The following RCOR1 variants were observed in gnomAD, a reference collection of about 807,000 sequenced individuals.
RCOR1 encodes REST corepressor 1, also known as REST corepressor.
Under a neutral mutation model 64.0 loss-of-function variants are expected in RCOR1, and 12 were observed. The ratio of observed to expected loss-of-function variants is 0.19; its 90% CI spans 0.12 to 0.30. The LOEUF (loss-of-function observed/expected upper bound fraction) is 0.30. Ranked by LOEUF, RCOR1 falls within the 10% of genes least tolerant of loss-of-function variation. The probability of loss-of-function intolerance (pLI) is 1.00; values close to 1 mark genes in which losing one functional copy is unlikely to be tolerated. For missense variants in RCOR1, 502 were observed against 621.2 expected, an observed-to-expected ratio of 0.81 and a Z score of 2.04; for synonymous variants, 279 against 227.2, an observed-to-expected ratio of 1.23 and a Z score of -2.05.
In RCOR1 at chr14:102,728,086, T is replaced by C. The variant is rs536576254; in HGVS notation, c.*1580T>C. 3.3e-5 allele frequency: 5 copies of C among 152,638 alleles called. No homozygotes were observed. The South Asian group carries it at 1.0e-3, about 32-fold the overall frequency. The allele number at this position is 152,638 out of a possible 1,614,324, so 9.5% of individuals were successfully genotyped here. A position where few individuals can be genotyped will look rare whatever the true frequency, so the allele number is the denominator to read the frequency against. ...GTTTTGTCTCCCAAGCACCTTGTTT[T>C]TTGTTGTTGTTGTTGTTGTTGAAGT... On this transcript the variant is annotated 3_prime_UTR_variant, in exon 12 of 12. Transcript: ENST00000262241.
At chr14:102,673,916 C>T (rs1411350872) in intron 2 of RCOR1, among the ~76,000 whole-genome samples, 1 of 152,158 alleles carries the variant, frequency 6.6e-6, no homozygotes, top group Non-Finnish European at 1.5e-5. Flanking sequence ...CGCCCAGCCC[C>T]CGTTGATGTA....
intron 10 of RCOR1, 99 bp downstream of exon 10, chr14:102,721,476 A>T: frequency 6.3e-6 from 5 of 792,432 alleles, no homozygotes; most frequent in Non-Finnish European, 1.1e-5. Flanking sequence ...GCTTGAGCCC[A>T]GGAGCTCAAG....
intron 3 of RCOR1, among the ~76,000 whole-genome samples, chr14:102,683,897 G>T (rs1249112384): frequency 6.6e-6 from 1 of 152,232 alleles, no homozygotes; most frequent in Non-Finnish European, 1.5e-5. Context: ...GGGGGCTGGG[G>T]CTGCACCCTC....
At chr14:102,656,791 T>A (rs1285440589) in intron 2 of RCOR1, among the ~76,000 whole-genome samples, 2 of 151,314 alleles carry the variant, frequency 1.3e-5, no homozygotes, top group African/African-American at 4.9e-5. Flanking sequence ...TCTTTTTTTT[T>A]TTGAGATCAG....
At chr14:102,638,201 A>AGAAGTTCTTGCT (rs1894286538) in intron 2 of RCOR1, among the ~76,000 whole-genome samples, 1 of 152,224 alleles carries the variant, frequency 6.6e-6, no homozygotes, top group Non-Finnish European at 1.5e-5. Context: ...ACTCAGGTGC[A>AGAAGTTCTTGCT]GAAGTTCTTG....
intron 2 of RCOR1, among the ~76,000 whole-genome samples, chr14:102,621,983 C>A (rs1893883979): frequency 6.6e-6 from 1 of 152,162 alleles, no homozygotes; most frequent in Admixed American, 6.5e-5. Flanking sequence ...CTCCCCCTCT[C>A]CCCGCAAAGA....
At chr14:102,600,947 T>C (rs1176708590) in intron 2 of RCOR1, among the ~76,000 whole-genome samples, 1 of 148,866 alleles carries the variant, frequency 6.7e-6, no homozygotes, top group African/African-American at 2.5e-5. Flanking sequence ...CCCAGCACTT[T>C]GGGAGGCCGA....
intron 2 of RCOR1, among the ~76,000 whole-genome samples, chr14:102,665,311 CTTTTTTTT>C (rs35214723): frequency 1.3e-4 from 17 of 132,032 alleles, no homozygotes; most frequent in African/African-American, 4.5e-4. Flanking sequence ...GGCCTCAACA[CTTTTTTTT>C]TTTTTTTTTT....
intron 3 of RCOR1, among the ~76,000 whole-genome samples, chr14:102,696,480 G>A (rs558594407): frequency 6.6e-6 from 1 of 152,286 alleles, no homozygotes; most frequent in Admixed American, 6.5e-5. Context: ...CCTGCTTTGC[G>A]CACCCTGTAC....
chr14:102,676,613 G>A (rs1403902732), intron 2 of RCOR1, among the ~76,000 whole-genome samples: 1 of 90,344 alleles, frequency 1.1e-5, no homozygotes, highest in African/African-American at 4.8e-5. Flanking sequence ...CCCGGACGGG[G>A]CGGCTGGCCA....
chr14:102,677,248 G>A (rs1396416808), intron 2 of RCOR1, among the ~76,000 whole-genome samples: 3 of 123,716 alleles, frequency 2.4e-5, no homozygotes, highest in Non-Finnish European at 5.1e-5. Flanking sequence ...GTGGCTGGCC[G>A]GGCAGAGGGG....
chr14:102,668,321 A>G (rs997802661), intron 2 of RCOR1, among the ~76,000 whole-genome samples: 5 of 152,228 alleles, frequency 3.3e-5, no homozygotes, highest in African/African-American at 1.2e-4. Flanking sequence ...AAATCTTGCT[A>G]AAATTAAGAA....
intron 2 of RCOR1, among the ~76,000 whole-genome samples, chr14:102,631,439 A>G (rs1894109012): frequency 1.3e-5 from 2 of 151,612 alleles, no homozygotes; most frequent in South Asian, 4.2e-4. Flanking sequence ...TCCTGACCTC[A>G]TGATCCGCCT....
At chr14:102,662,575 GGTGGGT>G in intron 2 of RCOR1, 1 of 462,934 alleles carries the variant, frequency 2.2e-6, no homozygotes, top group Non-Finnish European at 4.2e-6. Context: ...GCCGCTGGAA[GGTGGGT>G]GATGTGTGGA....
intron 4 of RCOR1, among the ~76,000 whole-genome samples, chr14:102,704,038 G>C (rs1895800992): frequency 6.6e-6 from 1 of 152,262 alleles, no homozygotes. Flanking sequence ...AATCTAGTCA[G>C]ATAGCACCTC....
At position 102,592,950 on chromosome 14, in the gene RCOR1, G is replaced by A; in HGVS notation, c.64G>A (p.Ala22Thr). ...GAAGCGGAGAGGGAGGAACAACGCG[G>A]CCGCCTCCGCCTCCGCCGCCGCCGC... is the stretch of plus-strand genomic sequence containing the variant. ...SGKRRGRNNA[A>T]ASASAAAASA... Residue 22 changes from alanine (A) to threonine (T), a missense_variant, in exon 1 of 12, where the codon GCC becomes ACC. Around this residue, in one of 2 missense-constraint regions of RCOR1, gnomAD observed 242 missense variants for 204.9 expected, o/e 1.18. Transcript: ENST00000262241. The A allele has an allele frequency of 4.2e-6, 5 of 1,189,374 alleles. No homozygotes were observed. The highest frequency in any genetic ancestry group is 2.7e-5 in the South Asian group (1 of 37,704). The allele number at this position is 1,189,374 out of a possible 1,614,324, so 73.7% of individuals were successfully genotyped here. A position where few individuals can be genotyped will look rare whatever the true frequency, so the allele number is the denominator to read the frequency against.
chr14:102,685,220 A>G (rs1895392949), intron 3 of RCOR1, among the ~76,000 whole-genome samples: 1 of 152,128 alleles, frequency 6.6e-6, no homozygotes. Flanking sequence ...ATAATATATA[A>G]TTGTTTTCCA....
At chr14:102,631,826 G>A (rs560391142) in intron 2 of RCOR1, among the ~76,000 whole-genome samples, 1 of 151,588 alleles carries the variant, frequency 6.6e-6, no homozygotes, top group Non-Finnish European at 1.5e-5. Context: ...TTTGAGACAG[G>A]GTCTCACTCT....
At chr14:102,688,879 T>A (rs1482752640) in intron 3 of RCOR1, among the ~76,000 whole-genome samples, 1 of 152,180 alleles carries the variant, frequency 6.6e-6, no homozygotes, top group African/African-American at 2.4e-5. Flanking sequence ...CACATCCTGT[T>A]TATACCATTC....
Sources: allele counts gnomAD v4.1 joint callset (sites outside exome capture counted in the v4.1 genomes callset), GRCh38; gene constraint gnomAD v4.1.1; regional missense constraint gnomAD v4.1.1; transcripts MANE v1.5; gene names NCBI Gene and HGNC (gene_info 2026-07-23, HGNC 2026-07-21).